Variants in KIRREL3 observed in about 807,000 individuals in gnomAD.
KIRREL3 encodes the protein kirre like nephrin family adhesion molecule 3, also known as kin of IRRE-like protein 3.
In KIRREL3, 36 loss-of-function variants were observed where a neutral mutation model predicts 89.7. That is an observed-to-expected ratio of 0.40 (90% CI 0.31 to 0.53). The LOEUF is 0.53. KIRREL3 is among the 20% of genes least tolerant of loss of function. The pLI, the probability that KIRREL3 is intolerant of heterozygous loss-of-function variation, is 0.49. For missense variants in KIRREL3, 864 were observed against 1,056.6 expected, an observed-to-expected ratio of 0.82 and a Z score of 2.53; for synonymous variants, 445 against 441.4, an observed-to-expected ratio of 1.01 and a Z score of -0.10.
intron 1 of KIRREL3, among the ~76,000 whole-genome samples, chr11:126,800,233 G>C (rs1173501829): frequency 6.6e-6 from 1 of 152,202 alleles, no homozygotes; most frequent in East Asian, 1.9e-4. Flanking sequence ...TTTAGAATCT[G>C]ACTCCGTGAG....
chr11:126,516,285 C>T lies in KIRREL3; in HGVS notation c.433+5030G>A, dbSNP rs140775449. ...CAAGACAGCAGAGTTAATATTAGAA[C>T]GGGCCAGGAAGAAGAGGGAAATGAG... On this transcript the variant is annotated intron_variant, in intron 4 of 16. Coordinates refer to ENST00000525144, the MANE Select transcript of KIRREL3 (RefSeq NM_032531.4). The surrounding 1 kb of genome is among the most constrained non-coding windows in gnomAD (Gnocchi z 4.9). Among the ~76,000 whole-genome samples the T allele has an allele frequency of 4.3e-4, 65 of 152,184 alleles. No homozygotes were observed. The highest frequency in any genetic ancestry group is 1.5e-3 in the African/African-American group (62 of 41,520).
Position 126,897,894 on chromosome 11 carries a change from G to A in KIRREL3, c.55+102561C>T, listed in dbSNP as rs1019482468. Among the ~76,000 whole-genome samples, 1 of 152,138 alleles carries A rather than the reference G, an allele frequency of 6.6e-6. No homozygotes were observed. Among genetic ancestry groups the A allele is most frequent in the Non-Finnish European group, 1.5e-5 (1 of 68,042 alleles). ...CATATCCACTGATGTATGGCACCTC[G>A]AGTTGCTGCTGGGACTGCAGAGGAC... On this transcript the variant is annotated intron_variant, in intron 1 of 16. Coordinates refer to ENST00000525144, the MANE Select transcript of KIRREL3 (RefSeq NM_032531.4). The surrounding 1 kb of genome is among the most constrained non-coding windows in gnomAD (Gnocchi z 4.2).
At chr11:126,667,870 A>G (rs866496548) in intron 1 of KIRREL3, among the ~76,000 whole-genome samples, 2 of 152,190 alleles carry the variant, frequency 1.3e-5, no homozygotes, top group Non-Finnish European at 2.9e-5. Flanking sequence ...GGCCGATCTG[A>G]GGAGACTGGT....
At chr11:126,822,302 C>T (rs883584) in intron 1 of KIRREL3, among the ~76,000 whole-genome samples, 131,456 of 152,218 alleles carry the variant, frequency 0.86, 57,109 homozygotes, top group East Asian at 1. Context: ...AGCACATAGA[C>T]TGGCCATGTA....
chr11:126,925,503 C>T (rs548006949), intron 1 of KIRREL3, among the ~76,000 whole-genome samples: 10 of 152,298 alleles, frequency 6.6e-5, no homozygotes, highest in South Asian at 4.1e-4. Context: ...CTGTCAGGTT[C>T]GAGCTGAGCT....
rs1304000686 is a variant in KIRREL3, at chr11:126,557,588, CT to C, written c.133+5246del. Among the ~76,000 whole-genome samples, 1 of 152,248 alleles carries C rather than the reference CT, an allele frequency of 6.6e-6. No homozygotes were observed. Among genetic ancestry groups the C allele is most frequent in the African/African-American group, 2.4e-5 (1 of 41,472 alleles). ...GTGCTCCTCCCACTACACATCCCAGCTGTGGGGCACCTCTCTTTCTATACGA... is the reference window on the plus strand; with the variant it reads ...GTGCTCCTCCCACTACACATCCCAGCGTGGGGCACCTCTCTTTCTATACGA... On this transcript the variant is annotated intron_variant, in intron 2 of 16. Transcript: ENST00000525144. This position sits in a 1 kb window ranked among gnomAD's most constrained non-coding sequence, Gnocchi z 5.6.
Position 126,682,705 on chromosome 11 carries a change from A to G in KIRREL3, c.56-119793T>C, listed in dbSNP as rs2874774. 0.85 allele frequency among the ~76,000 whole-genome samples: 129,106 copies of G among 151,986 alleles called. 54,928 individuals are homozygous for G. Among genetic ancestry groups the G allele is most frequent in the East Asian group, 0.95 (4,884 of 5,144 alleles). The stretch of plus-strand genomic sequence containing the variant: ...GAGACACAGCACACAGCCTAGATCC[A>G]TCACATGCGCAGTTCACAACAGGGC... On this transcript the variant is annotated intron_variant, in intron 1 of 16. Coordinates refer to ENST00000525144, the MANE Select transcript of KIRREL3 (RefSeq NM_032531.4). This position sits in a 1 kb window ranked among gnomAD's most constrained non-coding sequence, Gnocchi z 4.8.
chr11:126,959,101 G>A (rs150781768), intron 1 of KIRREL3, among the ~76,000 whole-genome samples: 1 of 152,202 alleles, frequency 6.6e-6, no homozygotes, highest in African/African-American at 2.4e-5. Context: ...CCTTGAGCTG[G>A]GACACCAGTG....
chr11:126,593,744 A>G (rs939529021), intron 1 of KIRREL3, among the ~76,000 whole-genome samples: 69 of 152,318 alleles, frequency 4.5e-4, no homozygotes, highest in African/African-American at 1.6e-3. Flanking sequence ...GGGAGAGAGA[A>G]CATTCATAGC....
At chr11:126,634,763 C>T (rs1159323147) in intron 1 of KIRREL3, among the ~76,000 whole-genome samples, 1 of 152,188 alleles carries the variant, frequency 6.6e-6, no homozygotes, top group Non-Finnish European at 1.5e-5. Flanking sequence ...AATACTTGCT[C>T]CCTGCTCAGT....
intron 5 of KIRREL3, among the ~76,000 whole-genome samples, chr11:126,465,341 G>A (rs1401242247): frequency 6.6e-6 from 1 of 152,170 alleles, no homozygotes; most frequent in African/African-American, 2.4e-5. Context: ...CAAGTGAGCC[G>A]GGAACTTGCT....
At position 126,489,085 on chromosome 11, in the gene KIRREL3, G is replaced by A. The variant is rs1371587316; in HGVS notation, c.434-15619C>T. ...ACTAGACTGCGCTTAGGCATCTGGA[G>A]CGCAGCAGTCAGTCTCATCCTGGGG... is the stretch of plus-strand genomic sequence containing the variant. On this transcript the variant is annotated intron_variant, in intron 4 of 16. Transcript: ENST00000525144. This position sits in a 1 kb window ranked among gnomAD's most constrained non-coding sequence, Gnocchi z 5.5. Among the ~76,000 whole-genome samples, 1 of 152,216 alleles carries A rather than the reference G, an allele frequency of 6.6e-6. No homozygotes were observed. Among genetic ancestry groups the A allele is most frequent in the Non-Finnish European group, 1.5e-5 (1 of 68,024 alleles).
At chr11:126,922,870 G>A (rs1947410391) in intron 1 of KIRREL3, among the ~76,000 whole-genome samples, 1 of 152,154 alleles carries the variant, frequency 6.6e-6, no homozygotes, top group Admixed American at 6.5e-5. Flanking sequence ...ACAATCCGCA[G>A]TGTTCTGGCA....
Position 126,704,450 on chromosome 11 carries a change from G to A in KIRREL3, c.56-141538C>T, listed in dbSNP as rs1947435494. On this transcript the variant is annotated intron_variant, in intron 1 of 16. Transcript: ENST00000525144. The surrounding 1 kb of genome is among the most constrained non-coding windows in gnomAD (Gnocchi z 4.2). ...GCAACCAGCCCCAGCTGGCTGTAGG[G>A]GCTCACAGTCTTGTCACTTAGAAGG... 6.6e-6 allele frequency among the ~76,000 whole-genome samples: 1 copy of A among 152,158 alleles called. No individual in the cohort carries two copies. The highest frequency in any genetic ancestry group is 2.4e-5 in the African/African-American group (1 of 41,440).
intron 1 of KIRREL3, among the ~76,000 whole-genome samples, chr11:126,851,638 G>T (rs373293457): frequency 1.3e-5 from 2 of 152,052 alleles, no homozygotes; most frequent in African/African-American, 4.8e-5. Flanking sequence ...CAAGACCAAG[G>T]TGTCTTTATT....
In KIRREL3 at chr11:126,872,387, T is replaced by G. The variant is rs1349489557; in HGVS notation, c.55+128068A>C. ...AGCCCATATGCTGCTATTCTGGGCATGGGCACGGGGCTTATGGGGTAGCCC... is the reference window on the plus strand; with the variant it reads ...AGCCCATATGCTGCTATTCTGGGCAGGGGCACGGGGCTTATGGGGTAGCCC... On this transcript the variant is annotated intron_variant, in intron 1 of 16. Transcript: ENST00000525144. The surrounding 1 kb of genome is among the most constrained non-coding windows in gnomAD (Gnocchi z 4.2). 6.6e-6 allele frequency among the ~76,000 whole-genome samples: 1 copy of G among 152,224 alleles called. No individual in the cohort carries two copies. Among genetic ancestry groups the G allele is most frequent in the Non-Finnish European group, 1.5e-5 (1 of 68,020 alleles).
At chr11:126,447,198 C>T (rs764036051) in intron 8 of KIRREL3, among the ~76,000 whole-genome samples, 2 of 152,212 alleles carry the variant, frequency 1.3e-5, no homozygotes, top group African/African-American at 2.4e-5. Flanking sequence ...TTTACCCCCA[C>T]GGCTCTCATC....
At position 126,535,075 on chromosome 11, in the gene KIRREL3, C is replaced by T. The variant is rs547997720; in HGVS notation, c.134-8388G>A. Among the ~76,000 whole-genome samples, 1 of 152,128 alleles carries T rather than the reference C, an allele frequency of 6.6e-6. No homozygotes were observed. Among genetic ancestry groups the T allele is most frequent in the South Asian group, 2.1e-4 (1 of 4,812 alleles). On this transcript the variant is annotated intron_variant, in intron 2 of 16. Coordinates refer to ENST00000525144, the MANE Select transcript of KIRREL3 (RefSeq NM_032531.4). This position sits in a 1 kb window ranked among gnomAD's most constrained non-coding sequence, Gnocchi z 4.5. ...GGCAGGAGGTGGAGCATTTGGTGGC[C>T]TTTTGGGGGCTCTGGTTATGGGGCA...
intron 1 of KIRREL3, among the ~76,000 whole-genome samples, chr11:126,846,883 T>G (rs1420462891): frequency 6.6e-6 from 1 of 152,184 alleles, no homozygotes; most frequent in Non-Finnish European, 1.5e-5. Flanking sequence ...AAAAAAATTG[T>G]GTATGTGGAC....
Sources: gnomAD v4.1 joint callset for allele counts (sites outside exome capture counted in the v4.1 genomes callset) on GRCh38, gnomAD v4.1.1 for gene constraint, Gnocchi (gnomAD v3.1) non-coding constraint, MANE v1.5 for transcripts, NCBI Gene and HGNC (gene_info 2026-07-23, HGNC 2026-07-21) for gene names.